Variants in PIGG observed in about 807,000 individuals in gnomAD.
PIGG encodes phosphatidylinositol glycan anchor biosynthesis class G (EMM blood group), also known as GPI ethanolamine phosphate transferase 2, catalytic subunit.
In PIGG, 70 loss-of-function variants were observed where a neutral mutation model predicts 83.2. That is an observed-to-expected ratio of 0.84 (90% CI 0.69 to 1.03). The LOEUF (loss-of-function observed/expected upper bound fraction) is 1.03. Among genes scored for constraint, PIGG ranks in the 50% least tolerant of loss-of-function variants. The pLI is 0.00. For missense variants in PIGG, 1,257 were observed against 1,233.6 expected (o/e 1.02, Z -0.28); for synonymous variants, 532 against 519.5 (o/e 1.02, Z -0.33).
At position 530,737 on chromosome 4, in the gene PIGG, T is replaced by C. The variant is rs756310075; in HGVS notation, c.2563T>C (p.Tyr855His). The C allele has an allele frequency of 1.9e-6, 3 of 1,600,572 alleles. No homozygotes were observed. The highest frequency in any genetic ancestry group is 2.6e-6 in the Non-Finnish European group (3 of 1,169,226). Residue 855 changes from tyrosine (Y) to histidine (H), a missense_variant, in exon 11 of 13, where the codon TAT becomes CAT. Coordinates refer to ENST00000453061, the MANE Select transcript of PIGG (RefSeq NM_001127178.3). ...TTATTGGTTTGGTCAAGCATTCTTC[T>C]ATTTTCAGGTAGGTTTTCATTATTA... ...MHYWFGQAFF[Y>H]FQGNSNNIAT...
chr4:502,746 G>A (rs1417011694), intron 2 of PIGG, among the ~76,000 whole-genome samples: 5 of 152,000 alleles, frequency 3.3e-5, no homozygotes, highest in Non-Finnish European at 7.4e-5. Context: ...TAAAAATATC[G>A]GTGGGAACCC....
intron 6 of PIGG, among the ~76,000 whole-genome samples, chr4:520,612 C>G (rs1452219126): frequency 6.6e-6 from 1 of 152,222 alleles, no homozygotes; most frequent in Admixed American, 6.5e-5. Flanking sequence ...CTGCCCAGTC[C>G]CCATACAGTG....
At chr4:499,682 C>T (rs554628752) in intron 1 of PIGG, 193 bp downstream of exon 1, 14 of 1,404,582 alleles carry the variant, frequency 1.0e-5, no homozygotes, top group African/African-American at 1.5e-5. Context: ...GTGGCAACCA[C>T]CTCTACTGGC....
chr4:507,609 G>A lies in PIGG; in HGVS notation c.759+16G>A, dbSNP rs148792489. On this transcript the variant is annotated intron_variant, in intron 4 of 12. Transcript: ENST00000453061. ...GCAGTCGAAGGTGAGGCTCGCCGTC[G>A]CTCACTGTCTGCTGATGTGGTTTCA... The A allele has an allele frequency of 8.1e-4, 1,300 of 1,598,050 alleles. 12 individuals carry two copies. In the African/African-American group the frequency reaches 0.014, roughly 17 times the overall value.
At chr4:520,700 CAAG>C (rs1318022047) in intron 6 of PIGG, among the ~76,000 whole-genome samples, 28 of 152,088 alleles carry the variant, frequency 1.8e-4, no homozygotes, top group African/African-American at 6.0e-4. Context: ...TGCACGTTGA[CAAG>C]AAGGAGAGAG....
intron 12 of PIGG, chr4:537,060 A>G (rs929732758): frequency 6.6e-6 from 1 of 152,226 alleles, no homozygotes; most frequent in East Asian, 1.9e-4. Flanking sequence ...ACTGGAGAGT[A>G]TCATGATATT....
At position 527,085 on chromosome 4, in the gene PIGG, C is replaced by G; in HGVS notation, c.2116C>G (p.Leu706Val). The G allele has an allele frequency of 6.2e-7, 1 of 1,614,088 alleles. No individual in the cohort carries two copies. Among genetic ancestry groups the G allele is most frequent in the Non-Finnish European group, 8.5e-7 (1 of 1,179,938 alleles). ...CTCTGTCCTGGCTGCCCTCTCCCTC[C>G]TCGTAGTTTTTGTGCTGGTGCAGAG... is the stretch of plus-strand genomic sequence containing the variant. Reference protein sequence around the residue: ...ELSVLAALSLLVVFVLVQRGC... With the variant: ...ELSVLAALSLVVVFVLVQRGC... The change falls in exon 10 of 13, where the codon CTC (leucine) becomes GTC (valine). Residue 706 changes from leucine (L) to valine (V), a missense_variant. Leu to Val is a conservative substitution (Grantham distance 32, BLOSUM62 1). Coordinates refer to ENST00000453061, the MANE Select transcript of PIGG (RefSeq NM_001127178.3).
At chr4:517,033 G>A (rs978307551) in intron 6 of PIGG, among the ~76,000 whole-genome samples, 1 of 152,050 alleles carries the variant, frequency 6.6e-6, no homozygotes, top group East Asian at 1.9e-4. Flanking sequence ...GTCAGAGCAG[G>A]GGCCAGAGTG....
rs1728172659 is a variant in PIGG, at chr4:528,133, C to A, written c.2261+903C>A. 2.0e-6 allele frequency: 2 copies of A among 985,344 alleles called. No homozygotes were observed. The highest frequency in any genetic ancestry group is 2.4e-6 in the Non-Finnish European group (2 of 829,898). 61.0% of individuals were successfully genotyped at this position (985,344 alleles called of 1,614,324 possible). On this transcript the variant is annotated intron_variant, in intron 10 of 12. Transcript: ENST00000453061. The surrounding 1 kb of genome is among the most constrained non-coding windows in gnomAD (Gnocchi z 4.8). ...CCCTCTCAGTGAGGTCGGTGCTCTG[C>A]AGAGGGGTCTTCTGGCTGTTAGGCA...
intron 11 of PIGG, chr4:532,016 G>A (rs1031559776): frequency 6.6e-6 from 1 of 152,454 alleles, no homozygotes; most frequent in African/African-American, 2.4e-5. Flanking sequence ...CCTGTTTTGA[G>A]GCTGAGTCCG....
At chr4:504,037 T>C (rs1718718086) in intron 2 of PIGG, among the ~76,000 whole-genome samples, 1 of 152,188 alleles carries the variant, frequency 6.6e-6, no homozygotes, top group Admixed American at 6.5e-5. Flanking sequence ...AACAAATGTG[T>C]GTATCCAGGC....
chr4:499,218 T>A lies in PIGG; in HGVS notation c.-118T>A. On this transcript the variant is annotated 5_prime_UTR_variant, in exon 1 of 13. Transcript: ENST00000453061. ...CCGGCGGACGTGACGCCACTGTCGC[T>A]GCGACGATAAGGCCTGGCGTTATTG... 8.9e-7 allele frequency: 1 copy of A among 1,117,804 alleles called. No individual in the cohort carries two copies. The highest frequency in any genetic ancestry group is 1.2e-6 in the Non-Finnish European group (1 of 802,194). 69.2% of individuals were successfully genotyped at this position (1,117,804 alleles called of 1,614,324 possible).
intron 9 of PIGG, chr4:525,149 T>C (rs1245304682): frequency 1.0e-6 from 1 of 977,054 alleles, no homozygotes; most frequent in Middle Eastern, 5.2e-4. Flanking sequence ...CATCCTCCCT[T>C]TTCTCTCTCC....
chr4:519,206 G>A (rs113907489), intron 6 of PIGG, among the ~76,000 whole-genome samples: 280 of 152,204 alleles, frequency 1.8e-3, no homozygotes, highest in African/African-American at 5.6e-3. Context: ...TTGTAATTAC[G>A]CTTGTGTGCG....
rs535610030 is a variant in PIGG at position 512,725 on chromosome 4, G to C, written c.902-3248G>C. ...AGCTACTCAGGACGCTGAGGCAGGA[G>C]AATCACTTGAACCCGGGAGGCAGAG... On this transcript the variant is annotated intron_variant, in intron 5 of 12. Coordinates refer to ENST00000453061, the MANE Select transcript of PIGG (RefSeq NM_001127178.3). Among the ~76,000 whole-genome samples the C allele has an allele frequency of 2.6e-3, 399 of 152,110 alleles. 2 individuals carry two copies. Among genetic ancestry groups the C allele is most frequent in the African/African-American group, 8.9e-3 (371 of 41,534 alleles).
rs765854674 is a variant in PIGG, at chr4:530,426, T to A, written c.2262-10T>A. ...TGCTAATGAATCTAACTTGTTTTGC[T>A]CTTTTTTAGGGGTATTATTGAAGCT... is the stretch of plus-strand genomic sequence containing the variant. On this transcript the variant is annotated splice_polypyrimidine_tract_variant and intron_variant, in intron 10 of 12. Coordinates refer to ENST00000453061, the MANE Select transcript of PIGG (RefSeq NM_001127178.3). The A allele has an allele frequency of 6.3e-7, 1 of 1,597,662 alleles. No individual in the cohort carries two copies. Among genetic ancestry groups the A allele is most frequent in the Admixed American group, 1.7e-5 (1 of 59,016 alleles).
chr4:523,502 T>G lies in PIGG; in HGVS notation c.1658T>G (p.Leu553Arg). The G allele has an allele frequency of 6.2e-7, 1 of 1,614,122 alleles. No homozygotes were observed. Among genetic ancestry groups the G allele is most frequent in the Non-Finnish European group, 8.5e-7 (1 of 1,179,994 alleles). ...PSSRWSELDL[L>R]ILLGTAGHVL... ...TCAAGGTGGTCAGAGCTAGACCTTC[T>G]TATTCTGTTGGGGACGGCGGGCCAC... Residue 553 changes from leucine to arginine, a missense_variant, in exon 9 of 13, where the codon CTT becomes CGT. Transcript: ENST00000453061.
At position 500,433 on chromosome 4, in the gene PIGG, C is replaced by T; in HGVS notation, c.192C>T (p.Leu64=). The change falls in exon 2 of 13, where the codon CTC becomes CTT. Residue 64 remains leucine (L), a synonymous_variant. Coordinates refer to ENST00000453061, the MANE Select transcript of PIGG (RefSeq NM_001127178.3). ...ACTGGACCACGCTGCCACCACCTCT[C>T]TTCAGTAAAGTTGTTATTGTTCTGA... is the stretch of plus-strand genomic sequence containing the variant. ...SSNWTTLPPP[L]FSKVVIVLID... is the part of the protein sequence containing the mutation. 3.7e-6 allele frequency: 6 copies of T among 1,614,044 alleles called. No individual in the cohort carries two copies. The highest frequency in any genetic ancestry group is 5.1e-6 in the Non-Finnish European group (6 of 1,179,920).
At chr4:525,286 A>G (rs1199509711) in intron 9 of PIGG, 1 of 985,152 alleles carries the variant, frequency 1.0e-6, no homozygotes, top group African/African-American at 1.7e-5. Flanking sequence ...AGTAGAAGAA[A>G]CCAGGACAGA....
Sources: gnomAD v4.1 joint callset for allele counts (sites outside exome capture counted in the v4.1 genomes callset) on GRCh38, gnomAD v4.1.1 for gene constraint, Gnocchi (gnomAD v3.1) non-coding constraint, MANE v1.5 for transcripts, NCBI Gene and HGNC (gene_info 2026-07-23, HGNC 2026-07-21) for gene names.